The following NKAIN3 variants were observed in gnomAD, a reference collection of about 807,000 sequenced individuals.
NKAIN3 encodes sodium/potassium-transporting ATPase subunit beta-1-interacting protein 3.
NKAIN3 carries 25 observed loss-of-function variants against 30.2 expected under a neutral mutation model. That is an observed-to-expected ratio of 0.83 (90% confidence interval 0.60 to 1.16). NKAIN3 has a LOEUF of 1.16. NKAIN3 is among the 50% of genes most tolerant of loss of function. The pLI is 0.00. For synonymous variants in NKAIN3, 91 were observed against 89.6 expected (o/e 1.02, Z -0.09); for missense variants, 225 against 254.1 (o/e 0.89, Z 0.78).
chr8:62,409,988 T>C (rs1305359761), intron 1 of NKAIN3, among the ~76,000 whole-genome samples: 1 of 152,194 alleles, frequency 6.6e-6, no homozygotes, highest in African/African-American at 2.4e-5. Flanking sequence ...TTTTATTTTT[T>C]TCAACTATTT....
rs149132814 is a variant in NKAIN3, at chr8:62,751,023, C to T, written c.471+3894C>T. Among the ~76,000 whole-genome samples, 20 of 152,278 alleles carry T rather than the reference C, an allele frequency of 1.3e-4. No homozygotes were observed. The East Asian group carries it at 1.7e-3, about 13-fold the overall frequency. On this transcript the variant is annotated intron_variant, in intron 4 of 6. Coordinates refer to ENST00000623646, the MANE Select transcript of NKAIN3 (RefSeq NM_001304533.3). ...CACAAAGCGCAAATCTTATCAGTCA[C>T]GTTCCTTCCGATCACCCTTCAGTGA... is the stretch of plus-strand genomic sequence containing the variant.
Position 62,776,309 on chromosome 8 carries a change from C to T in NKAIN3, c.471+29180C>T, listed in dbSNP as rs530383616. Among the ~76,000 whole-genome samples, 4 of 152,088 alleles carry T rather than the reference C, an allele frequency of 2.6e-5. No individual in the cohort carries two copies. The East Asian group carries it at 7.7e-4, about 29-fold the overall frequency. ...ATTATGGATAAGTAAGGACTTTCTT[C>T]TGCAATATTTTAATTTATTTTCTGA... On this transcript the variant is annotated intron_variant, in intron 4 of 6. Transcript: ENST00000623646.
chr8:62,944,706 A>G lies in NKAIN3; in HGVS notation c.533-9196A>G, dbSNP rs553950323. Among the ~76,000 whole-genome samples, 104 of 152,176 alleles carry G rather than the reference A, an allele frequency of 6.8e-4. 1 individual carries two copies. Among genetic ancestry groups the G allele is most frequent in the Non-Finnish European group, 1.3e-3 (88 of 68,020 alleles). Reference sequence around the variant, plus strand: ...TGCTTTGGATGGGAATATAATTTCAATTATTGGCCATCAACATGATTGAGT... The same window carrying G: ...TGCTTTGGATGGGAATATAATTTCAGTTATTGGCCATCAACATGATTGAGT... On this transcript the variant is annotated intron_variant, in intron 5 of 6. Transcript: ENST00000623646.
chr8:62,718,121 C>T (rs1051084170), intron 3 of NKAIN3, among the ~76,000 whole-genome samples: 4 of 152,130 alleles, frequency 2.6e-5, no homozygotes, highest in Non-Finnish European at 4.4e-5. Context: ...TTCACCATCA[C>T]GAGAATAGCA....
intron 1 of NKAIN3, among the ~76,000 whole-genome samples, chr8:62,457,294 G>A (rs1805852401): frequency 6.6e-6 from 1 of 152,130 alleles, no homozygotes; most frequent in East Asian, 1.9e-4. Context: ...ATCTGTTACT[G>A]GGTTAAACTA....
At chr8:62,817,266 G>A (rs1030064389) in intron 4 of NKAIN3, among the ~76,000 whole-genome samples, 1 of 152,102 alleles carries the variant, frequency 6.6e-6, no homozygotes. Context: ...TAAAGTTCTT[G>A]TCACAACCAT....
At chr8:62,420,744 A>G (rs1380610436) in intron 1 of NKAIN3, among the ~76,000 whole-genome samples, 2 of 152,196 alleles carry the variant, frequency 1.3e-5, no homozygotes, top group Non-Finnish European at 2.9e-5. Flanking sequence ...TAATCTGTAT[A>G]TTATAAAAAT....
chr8:62,828,103 A>G (rs1283384552), intron 4 of NKAIN3, among the ~76,000 whole-genome samples: 1 of 152,206 alleles, frequency 6.6e-6, no homozygotes, highest in African/African-American at 2.4e-5. Flanking sequence ...ATTTAAAAAA[A>G]CTATTGCTAT....
chr8:62,306,119 A>G (rs1814231372), intron 1 of NKAIN3, among the ~76,000 whole-genome samples: 1 of 150,568 alleles, frequency 6.6e-6, no homozygotes. Flanking sequence ...GTGTTAATAG[A>G]GTTAGTTTAT....
chr8:62,956,565 G>A (rs1167646010), intron 6 of NKAIN3, among the ~76,000 whole-genome samples: 3 of 152,186 alleles, frequency 2.0e-5, no homozygotes, highest in Non-Finnish European at 4.4e-5. Context: ...GTATGGGAAT[G>A]TGTATAGGGG....
intron 3 of NKAIN3, among the ~76,000 whole-genome samples, chr8:62,662,987 T>C (rs1222667207): frequency 6.6e-6 from 1 of 152,232 alleles, no homozygotes; most frequent in African/African-American, 2.4e-5. Flanking sequence ...TACAGAATTT[T>C]ATATGAACCT....
intron 1 of NKAIN3, among the ~76,000 whole-genome samples, chr8:62,411,256 C>G (rs1804228285): frequency 6.6e-6 from 1 of 152,058 alleles, no homozygotes; most frequent in African/African-American, 2.4e-5. Flanking sequence ...ATACAGAAAT[C>G]AATAAATGTA....
At chr8:62,863,030 G>T (rs1820301677) in intron 4 of NKAIN3, 2 of 697,780 alleles carry the variant, frequency 2.9e-6, no homozygotes, top group Non-Finnish European at 5.0e-6. Flanking sequence ...TACATGCAAG[G>T]ATGTGACTAT....
At chr8:62,410,629 T>TA (rs919841458) in intron 1 of NKAIN3, among the ~76,000 whole-genome samples, 3 of 150,726 alleles carry the variant, frequency 2.0e-5, no homozygotes, top group Admixed American at 1.3e-4. Flanking sequence ...GATTAACAAA[T>TA]AAAAAAAAGA....
At chr8:62,257,950 A>G (rs2129388516) in intron 1 of NKAIN3, among the ~76,000 whole-genome samples, 1 of 152,216 alleles carries the variant, frequency 6.6e-6, no homozygotes, top group South Asian at 2.1e-4. Flanking sequence ...AATCTATATC[A>G]TAAGATTTTG....
chr8:62,906,094 C>A (rs895983492), intron 4 of NKAIN3, among the ~76,000 whole-genome samples: 5 of 152,104 alleles, frequency 3.3e-5, no homozygotes, highest in Admixed American at 6.5e-5. Context: ...CACAAGTGTG[C>A]GAGCATCCAT....
At chr8:62,947,259 CCTT>C (rs1385270590) in intron 5 of NKAIN3, among the ~76,000 whole-genome samples, 1 of 152,160 alleles carries the variant, frequency 6.6e-6, no homozygotes, top group Non-Finnish European at 1.5e-5. Flanking sequence ...CCCTTCCCCT[CCTT>C]CACTGAGGCA....
At chr8:62,932,463 A>G (rs2130872977) in intron 5 of NKAIN3, among the ~76,000 whole-genome samples, 2 of 152,372 alleles carry the variant, frequency 1.3e-5, no homozygotes, top group Middle Eastern at 6.8e-3. Context: ...CAGAACATAT[A>G]GTATGGTCTC....
intron 1 of NKAIN3, among the ~76,000 whole-genome samples, chr8:62,387,033 A>G (rs1036435630): frequency 2.6e-5 from 4 of 152,272 alleles, no homozygotes; most frequent in Middle Eastern, 3.4e-3. Flanking sequence ...TGACTATACT[A>G]TAGTGTTTTA....
Sources: allele counts gnomAD v4.1 joint callset (sites outside exome capture counted in the v4.1 genomes callset), GRCh38; gene constraint gnomAD v4.1.1; transcripts MANE v1.5; gene names NCBI Gene and HGNC (gene_info 2026-07-23, HGNC 2026-07-21).